ARHGAP44: variants seen among roughly 807,000 people sequenced by gnomAD.
ARHGAP44 encodes the protein rho GTPase-activating protein 44.
In ARHGAP44, 43 loss-of-function variants were observed where a neutral mutation model predicts 106.8. That is an observed-to-expected ratio of 0.40 (90% CI 0.32 to 0.52). ARHGAP44 has a LOEUF of 0.52. Among genes scored for constraint, ARHGAP44 ranks in the 20% least tolerant of loss-of-function variants. The pLI is 0.48. For synonymous variants in ARHGAP44, 439 were observed against 410.3 expected (o/e 1.07, Z -0.85); for missense variants, 866 against 1,050.5 (o/e 0.82, Z 2.43).
intron 1 of ARHGAP44, among the ~76,000 whole-genome samples, chr17:12,849,198 C>G (rs1418230010): frequency 1.3e-5 from 2 of 149,436 alleles, no homozygotes; most frequent in African/African-American, 5.0e-5. Flanking sequence ...CGCCAGAGAT[C>G]TTAAACTGAG....
intron 16 of ARHGAP44, among the ~76,000 whole-genome samples, chr17:12,966,289 T>C (rs2039389779): frequency 6.9e-6 from 1 of 144,000 alleles, no homozygotes. Flanking sequence ...AAAATGTGAC[T>C]CCTATTTTGG....
chr17:12,906,832 C>T (rs941435057), intron 3 of ARHGAP44, among the ~76,000 whole-genome samples: 7 of 151,870 alleles, frequency 4.6e-5, no homozygotes, highest in African/African-American at 9.7e-5. Context: ...TCTAGCTGCT[C>T]GGGAAGCTGA....
intron 6 of ARHGAP44, among the ~76,000 whole-genome samples, chr17:12,923,703 G>A (rs780797344): frequency 1.3e-5 from 2 of 152,112 alleles, no homozygotes; most frequent in Non-Finnish European, 2.9e-5. Flanking sequence ...CTTTGTTTCC[G>A]CTTTACTCTC....
At chr17:12,939,123 G>A (rs913385527) in intron 7 of ARHGAP44, among the ~76,000 whole-genome samples, 2 of 152,144 alleles carry the variant, frequency 1.3e-5, no homozygotes, top group African/African-American at 4.8e-5. Context: ...AGACAGACAG[G>A]GTTGATTCCC....
At position 12,973,336 on chromosome 17, in the gene ARHGAP44, T is replaced by C. The variant is rs770794212; in HGVS notation, c.1541+17T>C. On this transcript the variant is annotated intron_variant, in intron 17 of 20. Coordinates refer to ENST00000379672, the MANE Select transcript of ARHGAP44 (RefSeq NM_014859.6). Reference sequence around the variant, plus strand: ...AATCCAAAGGTATGGTATCCTCTGGTAGCTATGAGGCCATGCTCAGTCTCT... The same window carrying C: ...AATCCAAAGGTATGGTATCCTCTGGCAGCTATGAGGCCATGCTCAGTCTCT... 6.2e-7 allele frequency: 1 copy of C among 1,605,854 alleles called. No homozygotes were observed. Among genetic ancestry groups the C allele is most frequent in the East Asian group, 2.2e-5 (1 of 44,712 alleles).
intron 1 of ARHGAP44, among the ~76,000 whole-genome samples, chr17:12,828,342 A>C (rs574350491): frequency 1.3e-5 from 2 of 152,200 alleles, no homozygotes; most frequent in South Asian, 4.1e-4. Context: ...GTTCATGTAG[A>C]GATACTTTAT....
chr17:12,943,567 G>A (rs544739955), intron 8 of ARHGAP44, 21 bp from the exon 9 acceptor site: 2 of 1,612,966 alleles, frequency 1.2e-6, no homozygotes, highest in Admixed American at 3.3e-5. Context: ...TAAGGGTGAT[G>A]CTTGCCTTGT....
Position 12,984,919 on chromosome 17 carries a change from C to T in ARHGAP44, c.2317+11C>T. On this transcript the variant is annotated intron_variant, in intron 20 of 20. Transcript: ENST00000379672. The stretch of plus-strand genomic sequence containing the variant: ...AAAGCATGTCTACAGGTAACCAAGC[C>T]ACAGGCTCCCTCACTTTTTTTTATG... The T allele has an allele frequency of 6.3e-7, 1 of 1,586,294 alleles. No homozygotes were observed. Among genetic ancestry groups the T allele is most frequent in the Non-Finnish European group, 8.6e-7 (1 of 1,163,900 alleles).
At chr17:12,857,882 A>C (rs1269766189) in intron 1 of ARHGAP44, among the ~76,000 whole-genome samples, 6 of 151,966 alleles carry the variant, frequency 3.9e-5, no homozygotes, top group African/African-American at 1.5e-4. Context: ...GCTAAAGATT[A>C]TGTCTGATTT....
chr17:12,900,102 C>A (rs1043992165), intron 3 of ARHGAP44, among the ~76,000 whole-genome samples: 6 of 152,076 alleles, frequency 3.9e-5, no homozygotes, highest in Non-Finnish European at 8.8e-5. Context: ...TATGAATTAC[C>A]TTTCCATGTT....
chr17:12,990,081 G>C lies in ARHGAP44; in HGVS notation c.2367G>C (p.Thr789=). 6.2e-7 allele frequency: 1 copy of C among 1,612,652 alleles called. No homozygotes were observed. Among genetic ancestry groups the C allele is most frequent in the Non-Finnish European group, 8.5e-7 (1 of 1,179,092 alleles). The change falls in exon 21 of 21, where the codon ACG becomes ACC. Residue 789 remains threonine, a synonymous_variant. Transcript: ENST00000379672. The part of the protein sequence containing the change: ...IPSIHIELGS[T]LRLSPLEHMR... ...CGATCCACATAGAGCTCGGGTCGAC[G>C]CTCCGCCTGAGTCCCCTGGAGCACA...
At chr17:12,829,704 A>G (rs1402001409) in intron 1 of ARHGAP44, among the ~76,000 whole-genome samples, 1 of 152,142 alleles carries the variant, frequency 6.6e-6, no homozygotes, top group Non-Finnish European at 1.5e-5. Context: ...CTTCTTTTGC[A>G]TCATACCTGC....
chr17:12,802,854 G>C (rs1175345414), intron 1 of ARHGAP44, among the ~76,000 whole-genome samples: 1 of 136,876 alleles, frequency 7.3e-6, no homozygotes, highest in Non-Finnish European at 1.5e-5. Context: ...CGCCTCCCGG[G>C]TTCAAGTGAT....
intron 2 of ARHGAP44, among the ~76,000 whole-genome samples, 187 bp downstream of exon 2, chr17:12,895,166 A>G (rs1450409768): frequency 6.9e-6 from 1 of 145,472 alleles, no homozygotes; most frequent in African/African-American, 2.5e-5. Flanking sequence ...AAAAACAAAC[A>G]ACCAAAAAAA....
chr17:12,881,152 A>G (rs974914627), intron 1 of ARHGAP44, among the ~76,000 whole-genome samples: 1 of 151,334 alleles, frequency 6.6e-6, no homozygotes, highest in Non-Finnish European at 1.5e-5. Flanking sequence ...TGTTTTTTCA[A>G]CCATCATGAC....
intron 20 of ARHGAP44, chr17:12,987,356 T>C: frequency 4.1e-6 from 2 of 482,016 alleles, no homozygotes; most frequent in Non-Finnish European, 7.3e-6. Context: ...TTTTCTTTCT[T>C]TTCATTAGGA....
chr17:12,844,032 A>G (rs539734575), intron 1 of ARHGAP44, among the ~76,000 whole-genome samples: 15 of 152,228 alleles, frequency 9.9e-5, no homozygotes, highest in African/African-American at 3.6e-4. Context: ...GTAGCAGCTG[A>G]AAATTTCTGT....
intron 1 of ARHGAP44, among the ~76,000 whole-genome samples, chr17:12,870,461 T>G (rs2150881552): frequency 6.6e-6 from 1 of 152,286 alleles, no homozygotes; most frequent in African/African-American, 2.4e-5. Context: ...TGGATGAGCA[T>G]CCCTATTTCC....
At chr17:12,985,130 T>C (rs2143452280) in intron 20 of ARHGAP44, 1 of 572,998 alleles carries the variant, frequency 1.7e-6, no homozygotes, top group Non-Finnish European at 3.0e-6. Context: ...GGGATCTCTC[T>C]CGGTCTAAGC....
Sources: allele counts gnomAD v4.1 joint callset (sites outside exome capture counted in the v4.1 genomes callset), GRCh38; gene constraint gnomAD v4.1.1; transcripts MANE v1.5; gene names NCBI Gene and HGNC (gene_info 2026-07-23, HGNC 2026-07-21).